LALBA: variants seen among roughly 807,000 people sequenced by gnomAD.
The protein encoded by LALBA is alpha-lactalbumin.
A neutral mutation model predicts 13.4 loss-of-function variants in LALBA; 12 were observed. That is an observed-to-expected ratio of 0.89 (90% CI 0.57 to 1.45). The LOEUF (loss-of-function observed/expected upper bound fraction) is 1.45, where lower values mean the gene tolerates loss of function less well. Among genes scored for constraint, LALBA ranks in the 40% most tolerant of loss-of-function variants. The pLI is 0.00. For missense variants in LALBA, 145 were observed against 165.9 expected (o/e 0.87, Z 0.69); for synonymous variants, 64 against 61.0 (o/e 1.05, Z -0.23).
chr12:48,569,005 G>T, intron 2 of LALBA, 77 bp downstream of exon 2: 2 of 1,280,614 alleles, frequency 1.6e-6, no homozygotes, highest in Non-Finnish European at 1.1e-6. Context: ...CCTGAGGTCT[G>T]CTTGGCACTA....
chr12:48,571,804 T>C (rs1565589314), upstream of LALBA, among the ~76,000 whole-genome samples: 1 of 152,194 alleles, frequency 6.6e-6, no homozygotes, highest in African/African-American at 2.4e-5. Flanking sequence ...TCCTCTCAGT[T>C]AAATCCTGTC....
chr12:48,571,216 A>G (rs1393882723), upstream of LALBA, among the ~76,000 whole-genome samples: 8 of 152,020 alleles, frequency 5.3e-5, no homozygotes, highest in East Asian at 1.5e-3. Flanking sequence ...TGGAATCTCT[A>G]TAAGGTCAGT....
At chr12:48,568,268 G>A in intron 3 of LALBA, 1 of 603,324 alleles carries the variant, frequency 1.7e-6, no homozygotes, top group African/African-American at 1.9e-5. Context: ...GGAATTAGAT[G>A]TCCAAGTCTA....
chr12:48,569,616 G>A (rs1938608418), intron 1 of LALBA, among the ~76,000 whole-genome samples: 1 of 152,170 alleles, frequency 6.6e-6, no homozygotes, highest in Non-Finnish European at 1.5e-5. Flanking sequence ...GGGAGGCTGA[G>A]GCAGGAGAAT....
chr12:48,568,394 C>CT, intron 3 of LALBA, 123 bp downstream of exon 3: 3 of 699,444 alleles, frequency 4.3e-6, no homozygotes, highest in Non-Finnish European at 7.6e-6. Flanking sequence ...TCTAGGTAAG[C>CT]TTTGTTTCAG....
upstream of LALBA, among the ~76,000 whole-genome samples, chr12:48,571,000 A>C (rs1188017981): frequency 6.6e-6 from 1 of 151,330 alleles, no homozygotes; most frequent in Non-Finnish European, 1.5e-5. Flanking sequence ...AAAAAAAAAA[A>C]AAGAATCTAG....
At chr12:48,570,775 G>A (rs1471442617), upstream of LALBA, among the ~76,000 whole-genome samples, 1 of 151,956 alleles carries the variant, frequency 6.6e-6, no homozygotes, top group Non-Finnish European at 1.5e-5. Context: ...TTGAGCCCAG[G>A]AGCTCGAGAC....
chr12:48,569,749 A>G (rs961147198), intron 1 of LALBA, 139 bp downstream of exon 1: 16 of 756,184 alleles, frequency 2.1e-5, no homozygotes, highest in Admixed American at 2.8e-5. Context: ...TACATACATG[A>G]AATAAAAGAG....
Position 48,568,583 on chromosome 12 carries a change from T to C in LALBA, c.302A>G (p.Asp101Gly). ...ICDISCDKFL[D>G]DDITDDIMCA... ...CATTATGTCATCAGTAATGTCATCA[T>C]CCAGGAACTCTGGCAGGAGTTACAG... is the stretch of plus-strand genomic sequence containing the variant. Residue 101 changes from aspartate (D) to glycine (G), a missense_variant, in exon 3 of 4, where the codon GAT becomes GGT. By Grantham distance (94) the Asp-to-Gly change is moderately conservative (BLOSUM62 -1). Coordinates refer to ENST00000301046, the MANE Select transcript of LALBA (RefSeq NM_002289.3). The C allele has an allele frequency of 6.3e-7, 1 of 1,594,634 alleles. No individual in the cohort carries two copies. The highest frequency in any genetic ancestry group is 8.6e-7 in the Non-Finnish European group (1 of 1,166,190).
chr12:48,570,133 G>A, upstream of LALBA: 1 of 1,151,132 alleles, frequency 8.7e-7, no homozygotes, highest in Non-Finnish European at 1.3e-6. Context: ...GGAAGAGAAT[G>A]AAGAGAGACT....
intron 3 of LALBA, 104 bp from the exon 4 acceptor site, chr12:48,568,121 C>T: frequency 2.3e-6 from 2 of 864,924 alleles, no homozygotes; most frequent in Non-Finnish European, 3.8e-6. Context: ...TACAGAAAGA[C>T]ATTCCTGGCC....
At chr12:48,568,326 T>C (rs1419770557) in intron 3 of LALBA, 191 bp downstream of exon 3, 6 of 614,110 alleles carry the variant, frequency 9.8e-6, no homozygotes, top group Admixed American at 3.0e-5. Context: ...AACCCCTTAT[T>C]AGGAAAATTG....
upstream of LALBA, among the ~76,000 whole-genome samples, chr12:48,571,031 A>C (rs1321740944): frequency 6.6e-6 from 1 of 151,646 alleles, no homozygotes; most frequent in Admixed American, 6.6e-5. Context: ...AGCTATTATC[A>C]GATTCCCCAC....
upstream of LALBA, among the ~76,000 whole-genome samples, chr12:48,571,614 A>C (rs1487869953): frequency 6.6e-6 from 1 of 151,844 alleles, no homozygotes; most frequent in Non-Finnish European, 1.5e-5. Flanking sequence ...CAAACTTCTG[A>C]GCTCAGGCAA....
Position 48,569,274 on chromosome 12 carries a change from A to G in LALBA, c.134-34T>C. On this transcript the variant is annotated intron_variant, in intron 1 of 3. Coordinates refer to ENST00000301046, the MANE Select transcript of LALBA (RefSeq NM_002289.3). ...AAGATGAGAAAGAGATACCACAGAG[A>G]TGTACAGGATCTGCATAAAGGAGGA... The G allele has an allele frequency of 3.2e-6, 5 of 1,566,080 alleles. No individual in the cohort carries two copies. In the South Asian group the frequency reaches 5.7e-5, roughly 18 times the overall value.
At chr12:48,568,454 G>C (rs1938593312) in intron 3 of LALBA, 63 bp downstream of exon 3, 1 of 915,760 alleles carries the variant, frequency 1.1e-6, no homozygotes. Context: ...GAGGAAAGGG[G>C]TGCTGGGCTA....
upstream of LALBA, among the ~76,000 whole-genome samples, chr12:48,570,485 GC>G (rs1938620205): frequency 6.6e-6 from 1 of 152,114 alleles, no homozygotes; most frequent in Non-Finnish European, 1.5e-5. Flanking sequence ...GTCATCACAT[GC>G]CACAGTCCCA....
At position 48,568,600 on chromosome 12, in the gene LALBA, G is replaced by A. The variant is rs537448800; in HGVS notation, c.293-8C>T. On this transcript the variant is annotated splice_polypyrimidine_tract_variant and splice_region_variant and intron_variant, in intron 2 of 3. Transcript: ENST00000301046. ...TGTCATCATCCAGGAACTCTGGCAGGAGTTACAGGGAAAGGATTGAGACAG... is the reference window on the plus strand; with the variant it reads ...TGTCATCATCCAGGAACTCTGGCAGAAGTTACAGGGAAAGGATTGAGACAG... The A allele has an allele frequency of 3.2e-6, 5 of 1,558,608 alleles. No individual in the cohort carries two copies. Among genetic ancestry groups the A allele is most frequent in the Non-Finnish European group, 4.4e-6 (5 of 1,134,878 alleles).
At chr12:48,568,427 A>C in intron 3 of LALBA, 90 bp downstream of exon 3, 1 of 786,678 alleles carries the variant, frequency 1.3e-6, no homozygotes, top group Non-Finnish European at 2.2e-6. Context: ...AGATTAAATG[A>C]CCAAGAGATA....
Sources: allele counts gnomAD v4.1 joint callset (sites outside exome capture counted in the v4.1 genomes callset), GRCh38; gene constraint gnomAD v4.1.1; transcripts MANE v1.5; gene names NCBI Gene and HGNC (gene_info 2026-07-23, HGNC 2026-07-21).